Variants in DCSTAMP observed in about 807,000 individuals in gnomAD.
DCSTAMP encodes dendrocyte expressed seven transmembrane protein.
A neutral mutation model predicts 33.8 loss-of-function variants in DCSTAMP; 25 were observed. The observed-to-expected ratio is 0.74, with a 90% CI of 0.54 to 1.03. The LOEUF (loss-of-function observed/expected upper bound fraction) is 1.03, where lower values mean the gene tolerates loss of function less well. DCSTAMP is among the 50% of genes least tolerant of loss of function. The probability of loss-of-function intolerance (pLI) is 0.00; values close to 1 mark genes in which losing one functional copy is unlikely to be tolerated. For synonymous variants in DCSTAMP, 245 were observed against 216.7 expected, an observed-to-expected ratio of 1.13 and a Z score of -1.15; for missense variants, 531 against 556.8, an observed-to-expected ratio of 0.95 and a Z score of 0.47.
intron 1 of DCSTAMP, among the ~76,000 whole-genome samples, chr8:104,348,190 T>A (rs1564065071): frequency 2.0e-5 from 3 of 152,236 alleles, no homozygotes; most frequent in Admixed American, 6.5e-5. Context: ...TGGTTATTTG[T>A]ACAGCAGCGA....
intron 1 of DCSTAMP, among the ~76,000 whole-genome samples, chr8:104,345,091 C>T (rs1486600510): frequency 1.3e-5 from 2 of 152,048 alleles, no homozygotes; most frequent in Non-Finnish European, 2.9e-5. Context: ...GCTCAGCCTC[C>T]AGTGCCTGTC....
At position 104,356,170 on chromosome 8, in the gene DCSTAMP, T is replaced by C; in HGVS notation, c.1385T>C (p.Met462Thr). ...PVLKMIRKKQMDMASADKS is the reference protein window; with the variant it reads ...PVLKMIRKKQTDMASADKS ...CTGAAAATGATTAGGAAGAAGCAAA[T>C]GGACATGGCAAGTGCAGACAAGTCA... The change falls in exon 4 of 4, where the codon ATG (methionine) becomes ACG (threonine). Residue 462 changes from methionine to threonine, a missense_variant. Physicochemically the swap from Met to Thr is moderately conservative, Grantham distance 81 (BLOSUM62 -1). Coordinates refer to ENST00000297581, the MANE Select transcript of DCSTAMP (RefSeq NM_030788.4). 1 of 1,613,082 alleles carries C rather than the reference T, an allele frequency of 6.2e-7. No homozygotes were observed. The highest frequency in any genetic ancestry group is 8.5e-7 in the Non-Finnish European group (1 of 1,179,514).
intron 2 of DCSTAMP, among the ~76,000 whole-genome samples, chr8:104,354,098 A>T (rs1253646948): frequency 6.6e-6 from 1 of 152,166 alleles, no homozygotes; most frequent in African/African-American, 2.4e-5. Flanking sequence ...CAACTGGCTT[A>T]TTCTCTTGCC....
chr8:104,353,626 T>C (rs1376929955), intron 2 of DCSTAMP, among the ~76,000 whole-genome samples: 1 of 152,262 alleles, frequency 6.6e-6, no homozygotes, highest in East Asian at 1.9e-4. Flanking sequence ...CAAATGTTTT[T>C]CGTTGCTTCG....
intron 1 of DCSTAMP, among the ~76,000 whole-genome samples, chr8:104,341,384 G>T (rs2099382806): frequency 6.6e-6 from 1 of 152,186 alleles, no homozygotes; most frequent in African/African-American, 2.4e-5. Flanking sequence ...CAGTGCTCAG[G>T]AATGCCGGTC....
In DCSTAMP at chr8:104,349,549, G is replaced by T. The variant is rs754799166; in HGVS notation, c.997G>T (p.Gly333Trp). 6.2e-7 allele frequency: 1 copy of T among 1,613,338 alleles called. No homozygotes were observed. Among genetic ancestry groups the T allele is most frequent in the Non-Finnish European group, 8.5e-7 (1 of 1,179,854 alleles). Residue 333 changes from glycine (G) to tryptophan (W), a missense_variant, in exon 2 of 4, where the codon GGG becomes TGG. Physicochemically the swap from Gly to Trp is radical, Grantham distance 184 (BLOSUM62 -2). Transcript: ENST00000297581. ...GAGCAAGCAGTTTCAAAGCTTGCCA[G>T]GGTTTGAGGTTCACTTGAAACTGCA... is the stretch of plus-strand genomic sequence containing the variant. ...SVSKQFQSLP[G>W]FEVHLKLHGE... is the part of the protein sequence containing the mutation.
intron 3 of DCSTAMP, 56 bp from the exon 4 acceptor site, chr8:104,356,068 G>A (rs1810618114): frequency 2.0e-6 from 3 of 1,467,816 alleles, no homozygotes; most frequent in Admixed American, 1.9e-5. Flanking sequence ...GATGTCAGAG[G>A]CATTTAAAAT....
intron 1 of DCSTAMP, among the ~76,000 whole-genome samples, chr8:104,342,094 A>G (rs987425938): frequency 1.3e-5 from 2 of 152,228 alleles, no homozygotes; most frequent in African/African-American, 4.8e-5. Flanking sequence ...GAGGGGAATA[A>G]AACAGTTAGA....
intron 1 of DCSTAMP, among the ~76,000 whole-genome samples, chr8:104,340,872 C>T (rs1296415120): frequency 2.0e-5 from 3 of 152,158 alleles, no homozygotes; most frequent in Non-Finnish European, 4.4e-5. Flanking sequence ...ACCGGCAGGG[C>T]TGGTTGAGGA....
In DCSTAMP at chr8:104,348,799, C is replaced by G. The variant is rs372352093; in HGVS notation, c.247C>G (p.Leu83Val). 76 of 1,614,046 alleles carry G rather than the reference C, an allele frequency of 4.7e-5. No individual in the cohort carries two copies. Among genetic ancestry groups the G allele is most frequent in the Non-Finnish European group, 6.1e-5 (72 of 1,180,040 alleles). Residue 83 changes from leucine (L) to valine (V), a missense_variant, in exon 2 of 4, where the codon CTT (leucine) becomes GTT (valine). Coordinates refer to ENST00000297581, the MANE Select transcript of DCSTAMP (RefSeq NM_030788.4). ...CCSKHARCFI[L>V]LVFLSCGLRE... Reference sequence around the variant, plus strand: ...CTCCAAGCATGCACGATGTTTTATTCTTCTTGTCTTTCTCTCTTGTGGCCT... The same window carrying G: ...CTCCAAGCATGCACGATGTTTTATTGTTCTTGTCTTTCTCTCTTGTGGCCT...
intron 1 of DCSTAMP, 35 bp from the exon 2 acceptor site, chr8:104,348,505 AG>A: frequency 6.4e-7 from 1 of 1,574,564 alleles, no homozygotes; most frequent in Non-Finnish European, 8.6e-7. Context: ...GACATTCAAA[AG>A]TAATTTCTGA....
chr8:104,350,371 C>A lies in DCSTAMP; in HGVS notation c.1029+790C>A, dbSNP rs990967343. Among the ~76,000 whole-genome samples the A allele has an allele frequency of 7.9e-5, 12 of 152,336 alleles. No individual in the cohort carries two copies. In the East Asian group the frequency reaches 2.3e-3, roughly 29 times the overall value. On this transcript the variant is annotated intron_variant, in intron 2 of 3. Coordinates refer to ENST00000297581, the MANE Select transcript of DCSTAMP (RefSeq NM_030788.4). The stretch of plus-strand genomic sequence containing the variant: ...CAAGCTTAGGCAAGTAGACTTCAAG[C>A]ACCTTCTCTGAGTGAGAACTTTTCT...
chr8:104,341,846 C>T (rs1353726739), intron 1 of DCSTAMP, among the ~76,000 whole-genome samples: 1 of 152,172 alleles, frequency 6.6e-6, no homozygotes, highest in East Asian at 1.9e-4. Context: ...GTGGTAGAAA[C>T]TGCAGTTCTG....
intron 1 of DCSTAMP, among the ~76,000 whole-genome samples, chr8:104,345,753 G>A (rs142805410): frequency 1.3e-5 from 2 of 152,196 alleles, no homozygotes; most frequent in Non-Finnish European, 2.9e-5. Context: ...AAGCAAAATG[G>A]TGCCTCATAA....
chr8:104,348,445 C>A (rs1382463974), intron 1 of DCSTAMP, 96 bp from the exon 2 acceptor site: 2 of 1,257,302 alleles, frequency 1.6e-6, no homozygotes, highest in Non-Finnish European at 2.2e-6. Flanking sequence ...AGAATTATGG[C>A]CACGTTTTTT....
chr8:104,347,057 T>C (rs1810333342), intron 1 of DCSTAMP, among the ~76,000 whole-genome samples: 1 of 152,240 alleles, frequency 6.6e-6, no homozygotes, highest in Non-Finnish European at 1.5e-5. Flanking sequence ...ATTAGATATT[T>C]TCATGTCAAT....
intron 1 of DCSTAMP, chr8:104,340,377 A>T (rs2140463923): frequency 6.6e-6 from 1 of 152,386 alleles, no homozygotes; most frequent in Non-Finnish European, 1.5e-5. Flanking sequence ...CCTCAAATGA[A>T]GGCCGCAGCT....
intron 2 of DCSTAMP, among the ~76,000 whole-genome samples, chr8:104,350,081 C>T (rs1198603270): frequency 2.6e-5 from 4 of 152,158 alleles, no homozygotes; most frequent in Non-Finnish European, 5.9e-5. Context: ...TAGGACTTTC[C>T]AGTATAATCC....
At chr8:104,342,660 T>TA (rs998819544) in intron 1 of DCSTAMP, among the ~76,000 whole-genome samples, 2 of 152,196 alleles carry the variant, frequency 1.3e-5, no homozygotes, top group African/African-American at 4.8e-5. Context: ...TTTGAAATGC[T>TA]AAGTGCTGCC....
Sources: allele counts gnomAD v4.1 joint callset (sites outside exome capture counted in the v4.1 genomes callset), GRCh38; gene constraint gnomAD v4.1.1; transcripts MANE v1.5; gene names NCBI Gene and HGNC (gene_info 2026-07-23, HGNC 2026-07-21).